VWDE: variants seen among roughly 807,000 people sequenced by gnomAD.
VWDE encodes von Willebrand factor D and EGF domains, also known as von Willebrand factor D and EGF domain-containing protein.
VWDE carries 207 observed loss-of-function variants against 178.4 expected under a neutral mutation model. The ratio of observed to expected loss-of-function variants is 1.16; its 90% confidence interval spans 1.04 to 1.30. The LOEUF (loss-of-function observed/expected upper bound fraction) is 1.30. VWDE is among the 50% of genes most tolerant of loss of function. The pLI is 0.00. For missense variants in VWDE, 2,287 were observed against 1,901.3 expected (o/e 1.20, Z -3.77); for synonymous variants, 738 against 651.4 (o/e 1.13, Z -2.02).
chr7:12,381,440 A>T (rs914580830), intron 4 of VWDE, among the ~76,000 whole-genome samples: 2 of 152,136 alleles, frequency 1.3e-5, no homozygotes, highest in Admixed American at 6.5e-5. Flanking sequence ...AGAAGATTTT[A>T]AAATGTTCTA....
chr7:12,378,701 A>G (rs993584546), intron 6 of VWDE, among the ~76,000 whole-genome samples: 1 of 151,968 alleles, frequency 6.6e-6, no homozygotes, highest in African/African-American at 2.4e-5. Flanking sequence ...GCTTCCCCTC[A>G]CGCTGTAGTT....
intron 21 of VWDE, 28 bp from the exon 22 acceptor site, chr7:12,343,206 C>A: frequency 1.3e-6 from 2 of 1,494,712 alleles, no homozygotes; most frequent in Non-Finnish European, 1.8e-6. Flanking sequence ...GTTATTATGT[C>A]AGTTCTTAAT....
intron 19 of VWDE, among the ~76,000 whole-genome samples, chr7:12,345,496 C>G (rs1177770582): frequency 2.6e-5 from 4 of 152,124 alleles, no homozygotes; most frequent in Admixed American, 2.6e-4. Flanking sequence ...ACAAGGCTAG[C>G]CAGCACAAGG....
intron 1 of VWDE, among the ~76,000 whole-genome samples, chr7:12,395,836 T>G (rs989642792): frequency 2.6e-5 from 4 of 152,136 alleles, no homozygotes; most frequent in Non-Finnish European, 4.4e-5. Context: ...ATTATATTGA[T>G]GGCTTGGGCT....
chr7:12,361,580 T>C (rs1222773723), intron 13 of VWDE, 59 bp from the exon 14 acceptor site: 58 of 1,408,114 alleles, frequency 4.1e-5, no homozygotes, highest in Non-Finnish European at 5.4e-5. Context: ...ATTTTGTTAG[T>C]AAATTACATA....
At chr7:12,347,961 C>G (rs10271371) in intron 19 of VWDE, among the ~76,000 whole-genome samples, 1 of 151,852 alleles carries the variant, frequency 6.6e-6, no homozygotes, top group African/African-American at 2.4e-5. Context: ...CTGACAAAAA[C>G]AAGCAATGGG....
At chr7:12,369,402 A>G (rs748178105) in intron 12 of VWDE, 143 bp downstream of exon 12, 14 of 1,085,726 alleles carry the variant, frequency 1.3e-5, no homozygotes, top group Non-Finnish European at 1.6e-5. Context: ...AAAGTTAGTA[A>G]TGTGTTCATT....
chr7:12,398,525 T>C (rs925008944), intron 1 of VWDE, among the ~76,000 whole-genome samples: 1 of 152,176 alleles, frequency 6.6e-6, no homozygotes, highest in African/African-American at 2.4e-5. Flanking sequence ...CCCTGCTATA[T>C]AAACCCAATT....
intron 15 of VWDE, among the ~76,000 whole-genome samples, chr7:12,360,277 T>A (rs147645009): frequency 4.4e-4 from 67 of 152,276 alleles, no homozygotes; most frequent in African/African-American, 1.5e-3. Flanking sequence ...TCAGGAAATA[T>A]AAACTTAGCT....
chr7:12,394,448 T>A (rs1784535986), intron 1 of VWDE, among the ~76,000 whole-genome samples: 2 of 152,182 alleles, frequency 1.3e-5, no homozygotes, highest in African/African-American at 4.8e-5. Flanking sequence ...AATTATTTAG[T>A]CTTTTTTAGG....
chr7:12,372,958 G>C lies in VWDE; in HGVS notation c.1587+19C>G. On this transcript the variant is annotated intron_variant, in intron 10 of 28. Transcript: ENST00000275358. ...GAGAAAAAGGAAAAATACTTTCAAT[G>C]TTAAAGAATCATACATACTGTGACT... 2.6e-6 allele frequency: 4 copies of C among 1,542,220 alleles called. No homozygotes were observed. The highest frequency in any genetic ancestry group is 3.5e-6 in the Non-Finnish European group (4 of 1,143,132).
chr7:12,344,201 C>G lies in VWDE; in HGVS notation c.4072G>C (p.Asp1358His), dbSNP rs2128547474. The change falls in exon 21 of 29, where the codon GAT (aspartate) becomes CAT (histidine). Residue 1358 changes from aspartate (D) to histidine (H), a missense_variant. Transcript: ENST00000275358. ...TTTTAATTTGAATTATCACCTTCATCACAGGTTGCTCCACCATGTCCTGGA... is the reference window on the plus strand; with the variant it reads ...TTTTAATTTGAATTATCACCTTCATGACAGGTTGCTCCACCATGTCCTGGA... ...CLPGHGGATCDEEHCNPPCQH... is the reference protein window; with the variant it reads ...CLPGHGGATCHEEHCNPPCQH... 2 of 1,550,726 alleles carry G rather than the reference C, an allele frequency of 1.3e-6. No individual in the cohort carries two copies. The highest frequency in any genetic ancestry group is 1.2e-5 in the South Asian group (1 of 83,994).
chr7:12,390,998 T>A (rs1405467162), intron 2 of VWDE, among the ~76,000 whole-genome samples: 1 of 152,184 alleles, frequency 6.6e-6, no homozygotes, highest in Non-Finnish European at 1.5e-5. Flanking sequence ...ATGGTGATGG[T>A]TTAAATAAAT....
intron 1 of VWDE, among the ~76,000 whole-genome samples, chr7:12,402,568 T>A (rs1372639229): frequency 6.6e-6 from 1 of 152,164 alleles, no homozygotes; most frequent in Non-Finnish European, 1.5e-5. Flanking sequence ...TCTTCCTTTA[T>A]AAACATTGGT....
At chr7:12,333,140 A>G (rs1448367252) in intron 28 of VWDE, among the ~76,000 whole-genome samples, 2 of 152,138 alleles carry the variant, frequency 1.3e-5, no homozygotes, top group Non-Finnish European at 2.9e-5. Context: ...CTTTTTAAAT[A>G]TATGTTTTAT....
At chr7:12,385,017 C>T (rs1784029780) in intron 3 of VWDE, among the ~76,000 whole-genome samples, 1 of 152,210 alleles carries the variant, frequency 6.6e-6, no homozygotes, top group South Asian at 2.1e-4. Context: ...AAATATAACA[C>T]ATATTCATAT....
At chr7:12,380,036 T>TGCAGTGAGCAACCTCCGAGATCGCG (rs1328464593) in intron 5 of VWDE, among the ~76,000 whole-genome samples, 8 of 151,240 alleles carry the variant, frequency 5.3e-5, no homozygotes, top group African/African-American at 1.9e-4. Flanking sequence ...AGGCGGAGGT[T>TGCAGTGAGCAACCTCCGAGATCGCG]GCAGTGAGCA....
intron 16 of VWDE, among the ~76,000 whole-genome samples, chr7:12,358,329 G>C (rs1038742935): frequency 6.6e-6 from 1 of 150,886 alleles, no homozygotes; most frequent in Non-Finnish European, 1.5e-5. Flanking sequence ...AGCTGAGATC[G>C]TGCCACTGCG....
intron 18 of VWDE, 149 bp from the exon 19 acceptor site, chr7:12,351,862 C>G: frequency 1.5e-6 from 1 of 660,904 alleles, no homozygotes; most frequent in East Asian, 3.1e-5. Flanking sequence ...CTTCTGCACA[C>G]TTTTCTGGTA....
Sources: gnomAD v4.1 joint callset for allele counts (sites outside exome capture counted in the v4.1 genomes callset) on GRCh38, gnomAD v4.1.1 for gene constraint, MANE v1.5 for transcripts, NCBI Gene and HGNC (gene_info 2026-07-23, HGNC 2026-07-21) for gene names.